CSMD3: variants seen among roughly 807,000 people sequenced by gnomAD.
CSMD3 encodes the protein CUB and Sushi multiple domains 3.
In CSMD3, 177 loss-of-function variants were observed where a neutral mutation model predicts 435.2. That is an observed-to-expected ratio of 0.41 (90% CI 0.36 to 0.46). The LOEUF (loss-of-function observed/expected upper bound fraction) is 0.46. Ranked by LOEUF, CSMD3 falls within the 20% of genes least tolerant of loss-of-function variation. CSMD3 has a pLI of 0.34. For missense variants in CSMD3, 4,265 were observed against 4,504.6 expected, an observed-to-expected ratio of 0.95 and a Z score of 1.52; for synonymous variants, 1,656 against 1,520.5, an observed-to-expected ratio of 1.09 and a Z score of -2.07.
intron 1 of CSMD3, among the ~76,000 whole-genome samples, chr8:113,363,914 C>A (rs1221051018): frequency 6.6e-6 from 1 of 151,882 alleles, no homozygotes; most frequent in Non-Finnish European, 1.5e-5. Flanking sequence ...ATGGATTTTT[C>A]TTTGGGGATT....
At chr8:112,515,171 AT>A (rs1382959770) in intron 28 of CSMD3, among the ~76,000 whole-genome samples, 3 of 152,072 alleles carry the variant, frequency 2.0e-5, no homozygotes, top group Admixed American at 2.0e-4. Context: ...GTTATCTAGA[AT>A]TTTTGTATAA....
At chr8:112,501,421 C>A (rs1821948739) in intron 30 of CSMD3, among the ~76,000 whole-genome samples, 2 of 149,808 alleles carry the variant, frequency 1.3e-5, no homozygotes, top group African/African-American at 2.4e-5. Context: ...GAAAGAAAAT[C>A]TCAGTATGCA....
chr8:112,873,342 G>T (rs2081189246), intron 10 of CSMD3, among the ~76,000 whole-genome samples: 1 of 151,950 alleles, frequency 6.6e-6, no homozygotes, highest in Non-Finnish European at 1.5e-5. Context: ...CACCTGAAAA[G>T]GCAGGAAACC....
In CSMD3 at chr8:112,234,454, G is replaced by A. The variant is rs747094531; in HGVS notation, c.10651C>T (p.Arg3551Cys). The change falls in exon 68 of 71, where the codon CGC (arginine) becomes TGC (cysteine). Residue 3551 changes from arginine (R) to cysteine (C), a missense_variant. Physicochemically the swap from Arg to Cys is radical, Grantham distance 180. This residue lies in a region of CSMD3 where 3,255 missense variants were observed against 3,380.2 expected (regional missense o/e 0.96). Coordinates refer to ENST00000297405, the MANE Select transcript of CSMD3 (RefSeq NM_198123.2). ...LSGVYKSQEA[R>C]LMLRIYLIKV... The stretch of plus-strand genomic sequence containing the variant: ...ATAAGATATATGCGTAACATTAGGC[G>A]AGCTTCCTGGCTTTTATATACCCCT... 7 of 1,612,098 alleles carry A rather than the reference G, an allele frequency of 4.3e-6. No homozygotes were observed. The highest frequency in any genetic ancestry group is 2.2e-5 in the East Asian group (1 of 44,752).
chr8:113,359,816 T>G (rs1306513037), intron 1 of CSMD3, among the ~76,000 whole-genome samples: 1 of 152,216 alleles, frequency 6.6e-6, no homozygotes, highest in Non-Finnish European at 1.5e-5. Context: ...TAATCTGAAT[T>G]AAAGAAAACA....
At chr8:113,434,171 G>T (rs1291506690) in intron 1 of CSMD3, among the ~76,000 whole-genome samples, 2 of 152,184 alleles carry the variant, frequency 1.3e-5, no homozygotes. Flanking sequence ...GATGAAAACT[G>T]TAGGCAGATG....
chr8:113,348,509 A>T (rs2094167093), intron 1 of CSMD3, among the ~76,000 whole-genome samples: 1 of 152,128 alleles, frequency 6.6e-6, no homozygotes, highest in Non-Finnish European at 1.5e-5. Context: ...CCCAGCTTTG[A>T]GAAGCAGGGA....
At chr8:113,260,384 T>C (rs2093417152) in intron 3 of CSMD3, among the ~76,000 whole-genome samples, 1 of 152,102 alleles carries the variant, frequency 6.6e-6, no homozygotes. Flanking sequence ...ATATAACAAA[T>C]TCCAGTTCTT....
At chr8:112,956,626 A>C (rs991544533) in intron 7 of CSMD3, among the ~76,000 whole-genome samples, 2 of 152,176 alleles carry the variant, frequency 1.3e-5, no homozygotes, top group African/African-American at 4.8e-5. Context: ...TTATCAGACC[A>C]AAGGAGAAAA....
rs185999666 is a variant in CSMD3 at position 112,360,260 on chromosome 8, C to T, written c.6137-7726G>A. On this transcript the variant is annotated intron_variant, in intron 38 of 70. Coordinates refer to ENST00000297405, the MANE Select transcript of CSMD3 (RefSeq NM_198123.2). ...ATTTCTCTTCCTTTCTAATCAAATA[C>T]TCTATTCAGGGTCATATATATAAAA... Among the ~76,000 whole-genome samples the T allele has an allele frequency of 4.7e-4, 71 of 152,008 alleles. 1 individual carries two copies. The East Asian group carries it at 6.2e-3, about 13-fold the overall frequency.
intron 38 of CSMD3, among the ~76,000 whole-genome samples, chr8:112,355,953 C>G (rs940626421): frequency 3.3e-5 from 5 of 152,028 alleles, no homozygotes; most frequent in African/African-American, 1.2e-4. Context: ...CAGTAATCAC[C>G]AAAGAAATGC....
chr8:113,346,572 C>T (rs1272703930), intron 1 of CSMD3, among the ~76,000 whole-genome samples: 2 of 152,000 alleles, frequency 1.3e-5, no homozygotes, highest in Non-Finnish European at 2.9e-5. Context: ...AAAACCAGGG[C>T]AAATTTTTCA....
intron 40 of CSMD3, among the ~76,000 whole-genome samples, chr8:112,350,273 ACT>A (rs1826017468): frequency 2.3e-5 from 3 of 129,874 alleles, no homozygotes; most frequent in African/African-American, 8.2e-5. Flanking sequence ...CAAGTCATGG[ACT>A]TTTTTTTTTT....
chr8:113,320,624 TTC>T (rs1043690348), intron 1 of CSMD3, among the ~76,000 whole-genome samples: 1 of 152,110 alleles, frequency 6.6e-6, no homozygotes, highest in Non-Finnish European at 1.5e-5. Context: ...TCAAAATCAG[TTC>T]TTTTTTAAAA....
intron 4 of CSMD3, among the ~76,000 whole-genome samples, chr8:113,108,243 C>A (rs2131586557): frequency 6.6e-6 from 1 of 152,120 alleles, no homozygotes; most frequent in African/African-American, 2.4e-5. Flanking sequence ...TCCTGGACAA[C>A]ATGGTGAAAC....
chr8:112,224,405 C>A lies in CSMD3; in HGVS notation c.*366G>T. ...TTGTAAGTATAGCTCTTATTTCTACCCTATATCTTTTTTTTTAAACCCAGT... is the reference window on the plus strand; with the variant it reads ...TTGTAAGTATAGCTCTTATTTCTACACTATATCTTTTTTTTTAAACCCAGT... On this transcript the variant is annotated 3_prime_UTR_variant, in exon 71 of 71. Coordinates refer to ENST00000297405, the MANE Select transcript of CSMD3 (RefSeq NM_198123.2). 1 of 299,742 alleles carries A rather than the reference C, an allele frequency of 3.3e-6. No homozygotes were observed. The highest frequency in any genetic ancestry group is 6.5e-6 in the Non-Finnish European group (1 of 152,826). The allele number at this position is 299,742 out of a possible 1,614,324, so 18.6% of individuals were successfully genotyped here.
intron 69 of CSMD3, among the ~76,000 whole-genome samples, chr8:112,229,810 C>T (rs1013042159): frequency 6.6e-6 from 1 of 150,486 alleles, no homozygotes; most frequent in African/African-American, 2.5e-5. Flanking sequence ...AGATTTAGAA[C>T]ATAGCGGTAG....
intron 4 of CSMD3, among the ~76,000 whole-genome samples, chr8:113,144,069 T>TA: frequency 6.6e-6 from 1 of 150,854 alleles, no homozygotes; most frequent in African/African-American, 2.4e-5. Flanking sequence ...CTACTTGGGT[T>TA]AAAAGGGTTA....
intron 3 of CSMD3, among the ~76,000 whole-genome samples, chr8:113,218,975 A>C (rs1197573259): frequency 1.3e-5 from 2 of 151,366 alleles, no homozygotes; most frequent in Admixed American, 1.3e-4. Flanking sequence ...CAGCCAAACC[A>C]TATCACATAT....
Sources: gnomAD v4.1 joint callset for allele counts (sites outside exome capture counted in the v4.1 genomes callset) on GRCh38, gnomAD v4.1.1 for gene constraint, gnomAD v4.1.1 regional missense constraint, MANE v1.5 for transcripts, NCBI Gene and HGNC (gene_info 2026-07-23, HGNC 2026-07-21) for gene names.